The following GRIA1 variants were observed in gnomAD, a reference collection of about 807,000 sequenced individuals.
The protein encoded by GRIA1 is glutamate ionotropic receptor AMPA type subunit 1, also known as glutamate receptor 1.
Under a neutral mutation model 99.2 loss-of-function variants are expected in GRIA1, and 31 were observed. The ratio of observed to expected loss-of-function variants is 0.31; its 90% confidence interval spans 0.23 to 0.42. The LOEUF (loss-of-function observed/expected upper bound fraction) is 0.42, where lower values mean the gene tolerates loss of function less well. GRIA1 is among the 10% of genes least tolerant of loss of function. The pLI, the probability that GRIA1 is intolerant of heterozygous loss-of-function variation, is 1.00. For synonymous variants in GRIA1, 438 were observed against 432.4 expected, an observed-to-expected ratio of 1.01 and a Z score of -0.16; for missense variants, 782 against 1,157.5, an observed-to-expected ratio of 0.68 and a Z score of 4.71.
intron 5 of GRIA1, among the ~76,000 whole-genome samples, chr5:153,664,619 C>G (rs1405732078): frequency 6.6e-6 from 1 of 152,082 alleles, no homozygotes; most frequent in African/African-American, 2.4e-5. Flanking sequence ...GTAATATTGG[C>G]CTTTCTCACT....
chr5:153,633,096 G>A (rs1306550206), intron 2 of GRIA1, among the ~76,000 whole-genome samples: 2 of 151,118 alleles, frequency 1.3e-5, no homozygotes, highest in Admixed American at 1.3e-4. Flanking sequence ...GAATGAGGCT[G>A]GAGAGTGAAT....
chr5:153,510,608 G>GA (rs556123960), intron 2 of GRIA1, among the ~76,000 whole-genome samples: 23 of 152,236 alleles, frequency 1.5e-4, no homozygotes, highest in African/African-American at 5.1e-4. Context: ...GATACATTTG[G>GA]AAAAATAGGC....
chr5:153,508,116 T>C (rs1245359519), intron 2 of GRIA1, among the ~76,000 whole-genome samples: 4 of 152,116 alleles, frequency 2.6e-5, no homozygotes, highest in Admixed American at 2.0e-4. Context: ...CATAGCCAAA[T>C]AGAGTCATGG....
chr5:153,745,933 C>T (rs189987637), intron 11 of GRIA1, among the ~76,000 whole-genome samples: 163 of 152,292 alleles, frequency 1.1e-3, no homozygotes, highest in African/African-American at 3.7e-3. Context: ...CAGGTATCTA[C>T]ACTTGTCCAG....
At chr5:153,658,092 A>C (rs1755084985) in intron 5 of GRIA1, among the ~76,000 whole-genome samples, 1 of 152,102 alleles carries the variant, frequency 6.6e-6, no homozygotes, top group Admixed American at 6.6e-5. Flanking sequence ...GTGAGGCAGC[A>C]CTAGAGCTAG....
intron 2 of GRIA1, among the ~76,000 whole-genome samples, chr5:153,609,629 T>C (rs962517107): frequency 7.1e-6 from 1 of 140,468 alleles, no homozygotes; most frequent in African/African-American, 2.7e-5. Flanking sequence ...AGTGGAGCAA[T>C]CTTGGCTCAC....
At chr5:153,498,733 TA>T (rs947499134) in intron 2 of GRIA1, among the ~76,000 whole-genome samples, 26 of 149,460 alleles carry the variant, frequency 1.7e-4, no homozygotes, top group East Asian at 1.6e-3. Context: ...CTGGCATCTT[TA>T]AAAAAAAAAC....
At chr5:153,561,432 C>A (rs1361251102) in intron 2 of GRIA1, among the ~76,000 whole-genome samples, 1 of 152,072 alleles carries the variant, frequency 6.6e-6, no homozygotes, top group Non-Finnish European at 1.5e-5. Flanking sequence ...GCTAGCTACA[C>A]AGATAAGCAA....
chr5:153,616,716 T>C (rs1461924798), intron 2 of GRIA1, among the ~76,000 whole-genome samples: 1 of 152,224 alleles, frequency 6.6e-6, no homozygotes, highest in Non-Finnish European at 1.5e-5. Flanking sequence ...ATGGTTCAAC[T>C]AATATACAGC....
intron 2 of GRIA1, among the ~76,000 whole-genome samples, chr5:153,590,052 C>T (rs1030872274): frequency 6.6e-6 from 1 of 152,076 alleles, no homozygotes; most frequent in African/African-American, 2.4e-5. Context: ...GTGTTTGTCT[C>T]ATTTGTAAAT....
At chr5:153,562,257 C>T (rs1368957620) in intron 2 of GRIA1, among the ~76,000 whole-genome samples, 1 of 152,098 alleles carries the variant, frequency 6.6e-6, no homozygotes, top group Admixed American at 6.5e-5. Flanking sequence ...AAAGATTTAG[C>T]AGGCCATCTA....
intron 14 of GRIA1, among the ~76,000 whole-genome samples, chr5:153,799,804 G>C (rs78520371): frequency 6.6e-6 from 1 of 152,122 alleles, no homozygotes; most frequent in South Asian, 2.1e-4. Context: ...TTCTTCTAAA[G>C]TGAAGGATGC....
intron 2 of GRIA1, among the ~76,000 whole-genome samples, chr5:153,521,824 C>T (rs1008007082): frequency 5.3e-5 from 8 of 152,332 alleles, no homozygotes; most frequent in Non-Finnish European, 1.0e-4. Flanking sequence ...ACACCCACAT[C>T]TCACATTGAA....
intron 8 of GRIA1, among the ~76,000 whole-genome samples, chr5:153,693,353 C>T (rs1024304616): frequency 3.3e-5 from 5 of 151,956 alleles, no homozygotes; most frequent in African/African-American, 9.7e-5. Context: ...TCTCCACCAA[C>T]ATCTCTACAC....
intron 6 of GRIA1, among the ~76,000 whole-genome samples, chr5:153,676,695 C>T (rs1313444663): frequency 6.6e-6 from 1 of 152,098 alleles, no homozygotes; most frequent in Non-Finnish European, 1.5e-5. Context: ...TGCAAGATTG[C>T]ACACAGAAAC....
intron 2 of GRIA1, among the ~76,000 whole-genome samples, chr5:153,495,076 C>T (rs1285589223): frequency 6.6e-6 from 1 of 152,158 alleles, no homozygotes; most frequent in Admixed American, 6.5e-5. Flanking sequence ...GCTTTGAAGT[C>T]TCAAAATGAG....
intron 2 of GRIA1, among the ~76,000 whole-genome samples, chr5:153,632,677 G>A (rs1753067092): frequency 6.6e-6 from 1 of 152,162 alleles, no homozygotes. Flanking sequence ...CGTCACAGGT[G>A]AGCAGACCAG....
chr5:153,572,784 G>C (rs1465443573), intron 2 of GRIA1, among the ~76,000 whole-genome samples: 1 of 152,208 alleles, frequency 6.6e-6, no homozygotes, highest in Non-Finnish European at 1.5e-5. Context: ...CTTTGAAGAG[G>C]CTGCTTCTTC....
At chr5:153,528,237 T>A (rs2113414216) in intron 2 of GRIA1, among the ~76,000 whole-genome samples, 1 of 152,328 alleles carries the variant, frequency 6.6e-6, no homozygotes, top group East Asian at 1.9e-4. Flanking sequence ...TGTGAATAAA[T>A]GTCTTTTAAA....
Sources: allele counts gnomAD v4.1 joint callset (sites outside exome capture counted in the v4.1 genomes callset), GRCh38; gene constraint gnomAD v4.1.1; transcripts MANE v1.5; gene names NCBI Gene and HGNC (gene_info 2026-07-23, HGNC 2026-07-21).